Variants in TBC1D32 observed in about 807,000 individuals in gnomAD.
TBC1D32 encodes the protein protein broad-minded.
Under a neutral mutation model 170.3 loss-of-function variants are expected in TBC1D32, and 151 were observed. That is an observed-to-expected ratio of 0.89 (90% CI 0.78 to 1.01). The LOEUF (loss-of-function observed/expected upper bound fraction) is 1.01. TBC1D32 is among the 50% of genes least tolerant of loss of function. The pLI, the probability that TBC1D32 is intolerant of heterozygous loss-of-function variation, is 0.00. For synonymous variants in TBC1D32, 498 were observed against 488.0 expected (o/e 1.02, Z -0.27); for missense variants, 1,464 against 1,457.1 (o/e 1.00, Z -0.08).
At position 121,334,464 on chromosome 6, in the gene TBC1D32, C is replaced by G. The variant is rs1379708644; in HGVS notation, c.-34G>C. ...AATCAAACGTCCACTCTCATTACTC[C>G]AGGTCCGAGCAAAAGCCGCGCACTG... is the stretch of plus-strand genomic sequence containing the variant. On this transcript the variant is annotated 5_prime_UTR_variant, in exon 1 of 32. Coordinates refer to ENST00000398212, the MANE Select transcript of TBC1D32 (RefSeq NM_152730.6). The G allele has an allele frequency of 2.3e-5, 36 of 1,592,652 alleles. No individual in the cohort carries two copies. Among genetic ancestry groups the G allele is most frequent in the Non-Finnish European group, 3.1e-5 (36 of 1,168,608 alleles).
At chr6:121,168,712 T>TAATAAA (rs748287642) in intron 22 of TBC1D32, among the ~76,000 whole-genome samples, 3 of 93,900 alleles carry the variant, frequency 3.2e-5, no homozygotes, top group Admixed American at 1.2e-4. Context: ...TAGAGTATAA[T>TAATAAA]AAAAAAAAAA....
At chr6:121,199,854 A>G (rs1034647802) in intron 22 of TBC1D32, among the ~76,000 whole-genome samples, 2 of 151,418 alleles carry the variant, frequency 1.3e-5, no homozygotes, top group African/African-American at 4.9e-5. Flanking sequence ...ACATTTGGCT[A>G]TGTTTGTTAC....
intron 17 of TBC1D32, among the ~76,000 whole-genome samples, chr6:121,248,316 C>T (rs1417945890): frequency 6.6e-6 from 1 of 151,870 alleles, no homozygotes; most frequent in African/African-American, 2.4e-5. Context: ...ACAACAAAAG[C>T]AGTGTTAAAA....
At chr6:121,139,663 T>A (rs1339496845) in intron 24 of TBC1D32, 1 of 152,172 alleles carries the variant, frequency 6.6e-6, no homozygotes, top group Admixed American at 6.5e-5. Context: ...TTAAGAAGGC[T>A]AAATTTCAAC....
At chr6:121,157,414 C>T (rs912979717) in intron 24 of TBC1D32, among the ~76,000 whole-genome samples, 1 of 152,062 alleles carries the variant, frequency 6.6e-6, no homozygotes, top group South Asian at 2.1e-4. Flanking sequence ...TGAGATGTGT[C>T]TCTTGAAGAC....
intron 17 of TBC1D32, among the ~76,000 whole-genome samples, chr6:121,246,017 A>G (rs1797549400): frequency 1.3e-5 from 2 of 152,160 alleles, no homozygotes; most frequent in Admixed American, 1.3e-4. Context: ...ATTGGGTATT[A>G]CATCTACTCA....
At chr6:121,140,357 G>A (rs1388426550) in intron 24 of TBC1D32, among the ~76,000 whole-genome samples, 1 of 151,040 alleles carries the variant, frequency 6.6e-6, no homozygotes, top group Non-Finnish European at 1.5e-5. Context: ...TACTATAGAG[G>A]GATATTTATA....
At chr6:121,181,289 G>T (rs1222710055) in intron 22 of TBC1D32, among the ~76,000 whole-genome samples, 1 of 152,048 alleles carries the variant, frequency 6.6e-6, no homozygotes, top group East Asian at 1.9e-4. Context: ...AGGAGAGCCT[G>T]GTGGGAGGTG....
At chr6:121,204,796 CT>C (rs772793699) in intron 22 of TBC1D32, among the ~76,000 whole-genome samples, 3 of 146,584 alleles carry the variant, frequency 2.0e-5, no homozygotes, top group Admixed American at 6.6e-5. Flanking sequence ...AAGTTGACTC[CT>C]GAGTACACTA....
intron 12 of TBC1D32, among the ~76,000 whole-genome samples, chr6:121,284,822 A>C (rs1803549517): frequency 1.3e-5 from 2 of 152,182 alleles, no homozygotes. Flanking sequence ...CAACATCACA[A>C]GTATACATTA....
At position 121,192,085 on chromosome 6, in the gene TBC1D32, C is replaced by CATAA. The variant is rs1221051008; in HGVS notation, c.2570+12989_2570+12990insTTAT. Among the ~76,000 whole-genome samples, 5 of 66,416 alleles carry CATAA rather than the reference C, an allele frequency of 7.5e-5. 1 individual carries two copies. In the East Asian group the frequency reaches 1.4e-3, roughly 19 times the overall value. 43.6% of individuals were successfully genotyped at this position (66,416 alleles called of 152,430 possible). ...TACCCTTTATATATATATATATATC[C>CATAA]TATTAGTTCTATCCTTCTGGGGAAC... On this transcript the variant is annotated intron_variant, in intron 22 of 31. Transcript: ENST00000398212.
At chr6:121,106,845 C>T (rs1413359284) in intron 29 of TBC1D32, among the ~76,000 whole-genome samples, 2 of 151,922 alleles carry the variant, frequency 1.3e-5, no homozygotes, top group African/African-American at 4.8e-5. Context: ...ATACACACAT[C>T]TATATTTACA....
chr6:121,323,592 G>A (rs908569861), intron 1 of TBC1D32, among the ~76,000 whole-genome samples: 2 of 152,016 alleles, frequency 1.3e-5, no homozygotes, highest in African/African-American at 4.8e-5. Context: ...CTACTTAAAC[G>A]AGGCTACATT....
intron 26 of TBC1D32, 115 bp downstream of exon 26, chr6:121,126,263 A>G (rs1009792055): frequency 1.4e-5 from 10 of 695,110 alleles, no homozygotes; most frequent in Non-Finnish European, 2.4e-5. Context: ...TATGGCACCA[A>G]GTAAGAGATT....
At chr6:121,291,038 T>C (rs1804765944) in intron 12 of TBC1D32, among the ~76,000 whole-genome samples, 1 of 152,044 alleles carries the variant, frequency 6.6e-6, no homozygotes, top group South Asian at 2.1e-4. Flanking sequence ...TTAGGAGATA[T>C]ACCTAATGTT....
chr6:121,087,866 T>G (rs1407770251), intron 31 of TBC1D32, among the ~76,000 whole-genome samples: 1 of 152,148 alleles, frequency 6.6e-6, no homozygotes. Flanking sequence ...CAATCATTAT[T>G]AAATATGTAG....
chr6:121,271,236 C>T (rs1045016004), intron 15 of TBC1D32, among the ~76,000 whole-genome samples: 3 of 152,134 alleles, frequency 2.0e-5, no homozygotes, highest in African/African-American at 7.2e-5. Flanking sequence ...CACTCCTATT[C>T]AACAGAGTTT....
chr6:121,269,217 T>C (rs773777456), intron 15 of TBC1D32, among the ~76,000 whole-genome samples: 4 of 151,946 alleles, frequency 2.6e-5, no homozygotes, highest in Non-Finnish European at 5.9e-5. Context: ...ACAAGCAAAA[T>C]AACCAGCTAA....
rs150447817 is a variant in TBC1D32 at position 121,197,801 on chromosome 6, A to C, written c.2570+7274T>G. Among the ~76,000 whole-genome samples, 314 of 152,248 alleles carry C rather than the reference A, an allele frequency of 2.1e-3. 1 individual carries two copies. Among genetic ancestry groups the C allele is most frequent in the African/African-American group, 7.3e-3 (302 of 41,536 alleles). The stretch of plus-strand genomic sequence containing the variant: ...TAATACTGCATGTCAACTTGATTGG[A>C]CTGTATGATACAAAGTACTGATCCC... On this transcript the variant is annotated intron_variant, in intron 22 of 31. Coordinates refer to ENST00000398212, the MANE Select transcript of TBC1D32 (RefSeq NM_152730.6).
Sources: allele counts gnomAD v4.1 joint callset (sites outside exome capture counted in the v4.1 genomes callset), GRCh38; gene constraint gnomAD v4.1.1; transcripts MANE v1.5; gene names NCBI Gene and HGNC (gene_info 2026-07-23, HGNC 2026-07-21).